ACTN1: variants seen among roughly 807,000 people sequenced by gnomAD.
ACTN1 encodes the protein actinin alpha 1, also known as alpha-actinin-1.
In ACTN1, 30 loss-of-function variants were observed where a neutral mutation model predicts 119.6. The observed-to-expected ratio is 0.25, with a 90% CI of 0.19 to 0.34. The LOEUF (loss-of-function observed/expected upper bound fraction) is 0.34. Ranked by LOEUF, ACTN1 falls within the 10% of genes least tolerant of loss-of-function variation. The probability of loss-of-function intolerance (pLI) is 1.00; values close to 1 mark genes in which losing one functional copy is unlikely to be tolerated. For synonymous variants in ACTN1, 429 were observed against 472.6 expected (o/e 0.91, Z 1.20); for missense variants, 764 against 1,223.4 (o/e 0.62, Z 5.60).
At chr14:68,927,906 T>C (rs1594828213) in intron 1 of ACTN1, among the ~76,000 whole-genome samples, 1 of 152,366 alleles carries the variant, frequency 6.6e-6, no homozygotes, top group Non-Finnish European at 1.5e-5. Flanking sequence ...TGAGTGTGCG[T>C]TGACACTGGG....
At chr14:68,962,669 G>T (rs11623192) in intron 1 of ACTN1, among the ~76,000 whole-genome samples, 38 of 152,126 alleles carry the variant, frequency 2.5e-4, no homozygotes, top group African/African-American at 8.9e-4. Flanking sequence ...CAGATTCCAT[G>T]TCCACACAAC....
intron 8 of ACTN1, among the ~76,000 whole-genome samples, chr14:68,899,184 T>G (rs1167463472): frequency 1.3e-5 from 1 of 74,826 alleles, no homozygotes; most frequent in South Asian, 5.2e-4. Context: ...ACCCTACACC[T>G]CACACCCACA....
chr14:68,952,703 T>C lies in ACTN1; in HGVS notation c.105+26249A>G, dbSNP rs183422378. Among the ~76,000 whole-genome samples, 352 of 149,092 alleles carry C rather than the reference T, an allele frequency of 2.4e-3. 1 individual carries two copies. Among genetic ancestry groups the C allele is most frequent in the Non-Finnish European group, 4.0e-3 (267 of 67,458 alleles). On this transcript the variant is annotated intron_variant, in intron 1 of 21. Transcript: ENST00000394419. ...TAGGGACTTTCCCCCACCCCCTACCTTGGCCCTAAAATTAAACGTTCAGTA... is the reference window on the plus strand; with the variant it reads ...TAGGGACTTTCCCCCACCCCCTACCCTGGCCCTAAAATTAAACGTTCAGTA...
chr14:68,977,880 T>G (rs1594893922), intron 1 of ACTN1: 3 of 444,232 alleles, frequency 6.8e-6, no homozygotes, highest in East Asian at 7.8e-5. Flanking sequence ...CGGATGGAAG[T>G]GGGCAGCCGG....
intron 8 of ACTN1, among the ~76,000 whole-genome samples, chr14:68,894,712 AGAT>A (rs1371697497): frequency 6.6e-6 from 1 of 152,142 alleles, no homozygotes; most frequent in African/African-American, 2.4e-5. Flanking sequence ...GGGTGGGAGA[AGAT>A]GATATCTGTG....
chr14:68,968,051 G>A lies in ACTN1; in HGVS notation c.105+10901C>T, dbSNP rs115472927. 1.7e-3 allele frequency among the ~76,000 whole-genome samples: 264 copies of A among 152,296 alleles called. 1 individual carries two copies. Among genetic ancestry groups the A allele is most frequent in the African/African-American group, 5.9e-3 (247 of 41,552 alleles). On this transcript the variant is annotated intron_variant, in intron 1 of 21. Transcript: ENST00000394419. ...CCTGGGAGGTGAAAAAAATGGCAAC[G>A]TGGCATAGGTCCCTAGGAACCTGAA...
At chr14:68,891,747 T>C (rs2140155853) in intron 10 of ACTN1, among the ~76,000 whole-genome samples, 1 of 152,278 alleles carries the variant, frequency 6.6e-6, no homozygotes, top group Admixed American at 6.5e-5. Flanking sequence ...GTTCAGGGTG[T>C]CAAAAGCATT....
At chr14:68,938,733 C>A (rs543299890) in intron 1 of ACTN1, among the ~76,000 whole-genome samples, 12 of 152,324 alleles carry the variant, frequency 7.9e-5, no homozygotes, top group African/African-American at 2.6e-4. Context: ...CAGCAAGATA[C>A]CCTGGACACA....
At chr14:68,928,189 G>A (rs143704809) in intron 1 of ACTN1, among the ~76,000 whole-genome samples, 58 of 152,036 alleles carry the variant, frequency 3.8e-4, no homozygotes, top group African/African-American at 1.3e-3. Context: ...AGATAAAGGA[G>A]GAAGAGGCTG....
chr14:68,891,791 G>T (rs766128096), intron 10 of ACTN1, among the ~76,000 whole-genome samples: 1 of 152,118 alleles, frequency 6.6e-6, no homozygotes, highest in Non-Finnish European at 1.5e-5. Flanking sequence ...TGAGAGGGAG[G>T]TCTGGAGTAG....
At chr14:68,889,920 T>C (rs951515850) in intron 11 of ACTN1, among the ~76,000 whole-genome samples, 1 of 152,258 alleles carries the variant, frequency 6.6e-6, no homozygotes, top group African/African-American at 2.4e-5. Flanking sequence ...ACTGATTCAA[T>C]TCTTACAAGC....
intron 1 of ACTN1, among the ~76,000 whole-genome samples, chr14:68,948,549 G>A (rs1466288943): frequency 6.6e-6 from 1 of 152,104 alleles, no homozygotes; most frequent in East Asian, 1.9e-4. Context: ...CTGCACTCCA[G>A]CCTGGGCAAA....
At chr14:68,949,241 T>G (rs2036047768) in intron 1 of ACTN1, among the ~76,000 whole-genome samples, 1 of 152,072 alleles carries the variant, frequency 6.6e-6, no homozygotes, top group South Asian at 2.1e-4. Flanking sequence ...GGTCCCAAAG[T>G]AAGCTCGGGG....
chr14:68,977,803 C>CCG (rs1056532457), intron 1 of ACTN1: 61 of 366,652 alleles, frequency 1.7e-4, no homozygotes, highest in Non-Finnish European at 2.2e-4. Flanking sequence ...CATCCTGTCC[C>CCG]CCCCCCACCC....
Position 68,893,766 on chromosome 14 carries a change from G to T in ACTN1, c.763-19C>A, listed in dbSNP as rs2032681775. The T allele has an allele frequency of 6.8e-6, 11 of 1,612,602 alleles. No homozygotes were observed. The highest frequency in any genetic ancestry group is 9.3e-6 in the Non-Finnish European group (11 of 1,179,656). On this transcript the variant is annotated intron_variant, in intron 8 of 21. Coordinates refer to ENST00000394419, the MANE Select transcript of ACTN1 (RefSeq NM_001130004.2). ...TCTCCGCCTGGCAACAAGACAGAGA[G>T]AGTCACGACCAGCCAGCCCCAGCAG...
Position 68,926,947 on chromosome 14 carries a change from G to A in ACTN1, c.106-1275C>T, listed in dbSNP as rs530114429. On this transcript the variant is annotated intron_variant, in intron 1 of 21. Coordinates refer to ENST00000394419, the MANE Select transcript of ACTN1 (RefSeq NM_001130004.2). ...GGACAGAAGCTATCCCTCCACACAGGCGGGGAGAAAGGGACAGCATTATGA... is the reference window on the plus strand; with the variant it reads ...GGACAGAAGCTATCCCTCCACACAGACGGGGAGAAAGGGACAGCATTATGA... 2.0e-5 allele frequency among the ~76,000 whole-genome samples: 3 copies of A among 152,320 alleles called. No individual in the cohort carries two copies. In the East Asian group the frequency reaches 5.8e-4, roughly 29 times the overall value.
intron 6 of ACTN1, among the ~76,000 whole-genome samples, chr14:68,905,791 T>C (rs113619911): frequency 1.1e-4 from 16 of 152,158 alleles, no homozygotes; most frequent in African/African-American, 3.6e-4. Context: ...CAGGAGTTCA[T>C]GACTAGCGTG....
chr14:68,936,265 T>C (rs557702229), intron 1 of ACTN1, among the ~76,000 whole-genome samples: 1 of 152,200 alleles, frequency 6.6e-6, no homozygotes, highest in African/African-American at 2.4e-5. Flanking sequence ...ACATACTCAG[T>C]GTTTCTGTCT....
chr14:68,944,611 A>C (rs1370899740), intron 1 of ACTN1, among the ~76,000 whole-genome samples: 3 of 152,214 alleles, frequency 2.0e-5, no homozygotes, highest in East Asian at 3.8e-4. Flanking sequence ...TGCCTATAGG[A>C]AAGGTCCTGG....
Sources: allele counts gnomAD v4.1 joint callset (sites outside exome capture counted in the v4.1 genomes callset), GRCh38; gene constraint gnomAD v4.1.1; transcripts MANE v1.5; gene names NCBI Gene and HGNC (gene_info 2026-07-23, HGNC 2026-07-21).